UGT1A10: variants seen among roughly 807,000 people sequenced by gnomAD.
UGT1A10 encodes the protein UDP glucuronosyltransferase family 1 member A10, also known as UDP-glucuronosyltransferase 1A10.
Under a neutral mutation model 45.8 loss-of-function variants are expected in UGT1A10, and 49 were observed. The observed-to-expected ratio is 1.07, with a 90% CI of 0.85 to 1.36. The LOEUF is 1.36. Ranked by LOEUF, UGT1A10 falls within the 40% of genes most tolerant of loss-of-function variation. UGT1A10 has a pLI of 0.00. For synonymous variants in UGT1A10, 284 were observed against 249.7 expected (o/e 1.14, Z -1.29); for missense variants, 745 against 668.6 (o/e 1.11, Z -1.26).
At chr2:233,682,524 G>A in intron 1 of UGT1A10, 1 of 1,613,848 alleles carries the variant, frequency 6.2e-7, no homozygotes, top group Non-Finnish European at 8.5e-7. Flanking sequence ...CTTCTCTTAG[G>A]GTTCTCAGAC....
intron 1 of UGT1A10, among the ~76,000 whole-genome samples, chr2:233,751,139 G>A (rs1273905721): frequency 6.6e-6 from 1 of 151,986 alleles, no homozygotes; most frequent in East Asian, 1.9e-4. Context: ...TGAGACTGTG[G>A]GAGCCCACTT....
At chr2:233,713,613 C>A (rs769573194) in intron 1 of UGT1A10, 8 of 1,614,012 alleles carry the variant, frequency 5.0e-6, no homozygotes, top group African/African-American at 2.7e-5. Context: ...CATGACATTC[C>A]TGCAAAGGGT....
At chr2:233,653,497 T>C (rs1310314263) in intron 1 of UGT1A10, among the ~76,000 whole-genome samples, 3 of 152,200 alleles carry the variant, frequency 2.0e-5, no homozygotes, top group Admixed American at 6.5e-5. Flanking sequence ...TGAAATACCA[T>C]GAAAAATGAC....
At chr2:233,649,496 A>G (rs1386907205) in intron 1 of UGT1A10, among the ~76,000 whole-genome samples, 1 of 152,262 alleles carries the variant, frequency 6.6e-6, no homozygotes, top group Non-Finnish European at 1.5e-5. Context: ...TTGAAATTAT[A>G]TATAAGCATA....
At chr2:233,726,090 G>A (rs962783366) in intron 1 of UGT1A10, among the ~76,000 whole-genome samples, 6 of 152,132 alleles carry the variant, frequency 3.9e-5, no homozygotes, top group African/African-American at 1.4e-4. Context: ...TACTTGATCC[G>A]AGGAGGTGGA....
chr2:233,670,710 T>C (rs1381980386), intron 1 of UGT1A10, among the ~76,000 whole-genome samples: 1 of 152,200 alleles, frequency 6.6e-6, no homozygotes, highest in African/African-American at 2.4e-5. Context: ...CTTTTGTTGC[T>C]GAATTAGAGA....
At chr2:233,719,660 C>T (rs1180675848) in intron 1 of UGT1A10, 1 of 1,614,116 alleles carries the variant, frequency 6.2e-7, no homozygotes, top group South Asian at 1.1e-5. Flanking sequence ...GGGGCATCAA[C>T]TGTGCCAACG....
chr2:233,769,742 C>A lies in UGT1A10; in HGVS notation c.1295+1303C>A, dbSNP rs2126047976. 6.9e-7 allele frequency: 1 copy of A among 1,450,742 alleles called. No individual in the cohort carries two copies. Among genetic ancestry groups the A allele is most frequent in the Non-Finnish European group, 9.1e-7 (1 of 1,100,114 alleles). The allele number at this position is 1,450,742 out of a possible 1,614,324, so 89.9% of individuals were successfully genotyped here. ...CCATGGCACACGCCTGTAGTCCCAG[C>A]CACTCTGGAGGCTAAGGCGGGAGGA... On this transcript the variant is annotated intron_variant, in intron 4 of 4. Coordinates refer to ENST00000344644, the MANE Select transcript of UGT1A10 (RefSeq NM_019075.4). This position sits in a 1 kb window ranked among gnomAD's most constrained non-coding sequence, Gnocchi z 4.4.
At chr2:233,688,354 A>G (rs1005613406) in intron 1 of UGT1A10, among the ~76,000 whole-genome samples, 2 of 152,210 alleles carry the variant, frequency 1.3e-5, no homozygotes, top group Non-Finnish European at 2.9e-5. Context: ...GCCATGAAAA[A>G]TAATGTTGTT....
rs146146688 is a variant in UGT1A10 at position 233,719,081 on chromosome 2, G to T, written c.856-47953G>T. 1.8e-5 allele frequency: 29 copies of T among 1,614,132 alleles called. No individual in the cohort carries two copies. In the East Asian group the frequency reaches 3.3e-4, roughly 19 times the overall value. On this transcript the variant is annotated intron_variant, in intron 1 of 4. Transcript: ENST00000344644. ...CCTATGCTGTTCCATGGACCCAGAA[G>T]GAATTTGATCGCGTTACGCTGGGCT...
In UGT1A10 at chr2:233,768,366, G is replaced by A. The variant is rs36076514; in HGVS notation, c.1222G>A (p.Val408Met). Residue 408 changes from valine (V) to methionine (M), a missense_variant, in exon 4 of 5, where the codon GTG (valine) becomes ATG (methionine). Transcript: ENST00000344644. ...AKRMETKGAG[V>M]TLNVLEMTSE... ...GCGCATGGAGACTAAGGGAGCTGGA[G>A]TGACCCTGAATGTTCTGGAAATGAC... 1 of 1,614,180 alleles carries A rather than the reference G, an allele frequency of 6.2e-7. No individual in the cohort carries two copies. Among genetic ancestry groups the A allele is most frequent in the African/African-American group, 1.3e-5 (1 of 75,048 alleles).
chr2:233,768,836 G>A (rs543894216), intron 4 of UGT1A10, among the ~76,000 whole-genome samples: 3 of 151,834 alleles, frequency 2.0e-5, no homozygotes, highest in African/African-American at 7.3e-5. Flanking sequence ...CACCTGCCTC[G>A]GCCTGCCAAA....
chr2:233,647,240 A>C (rs533415828), intron 1 of UGT1A10, among the ~76,000 whole-genome samples: 4 of 152,328 alleles, frequency 2.6e-5, no homozygotes, highest in African/African-American at 9.6e-5. Flanking sequence ...CCAATTCAAG[A>C]TGAGCTTTGG....
chr2:233,719,009 A>G (rs762473757), intron 1 of UGT1A10: 43 of 1,614,078 alleles, frequency 2.7e-5, no homozygotes, highest in Admixed American at 2.3e-4. Flanking sequence ...TCCTCACCCC[A>G]GAGGTGAATA....
chr2:233,700,815 G>T (rs940523054), intron 1 of UGT1A10, among the ~76,000 whole-genome samples: 1 of 151,950 alleles, frequency 6.6e-6, no homozygotes, highest in African/African-American at 2.4e-5. Flanking sequence ...TTGGTGTGCT[G>T]CACCCATTAA....
At chr2:233,721,654 G>T in intron 1 of UGT1A10, 1 of 220,052 alleles carries the variant, frequency 4.5e-6, no homozygotes, top group Non-Finnish European at 9.3e-6. Context: ...GCAGTGGGGG[G>T]TCATGTAAGG....
intron 1 of UGT1A10, among the ~76,000 whole-genome samples, chr2:233,688,542 C>A (rs561616482): frequency 6.6e-6 from 1 of 152,192 alleles, no homozygotes; most frequent in Non-Finnish European, 1.5e-5. Context: ...ACTTACATCA[C>A]ATGGTCTCTA....
chr2:233,765,700 A>T (rs963177783), intron 1 of UGT1A10, among the ~76,000 whole-genome samples: 1 of 146,346 alleles, frequency 6.8e-6, no homozygotes, highest in African/African-American at 2.7e-5. Flanking sequence ...AGTAAATAAT[A>T]ATAATAATAA....
intron 1 of UGT1A10, among the ~76,000 whole-genome samples, chr2:233,757,212 T>G (rs1174758514): frequency 1.4e-5 from 2 of 147,276 alleles, no homozygotes; most frequent in Admixed American, 1.4e-4. Context: ...CCCAGGAAGC[T>G]GCTGACCAAG....
Sources: gnomAD v4.1 joint callset for allele counts (sites outside exome capture counted in the v4.1 genomes callset) on GRCh38, gnomAD v4.1.1 for gene constraint, Gnocchi (gnomAD v3.1) non-coding constraint, MANE v1.5 for transcripts, NCBI Gene and HGNC (gene_info 2026-07-23, HGNC 2026-07-21) for gene names.